Variants in NFRKB observed in about 807,000 individuals in gnomAD.
The protein encoded by NFRKB is nuclear factor related to kappa-B-binding protein.
A neutral mutation model predicts 135.7 loss-of-function variants in NFRKB; 62 were observed. That is an observed-to-expected ratio of 0.46 (90% CI 0.37 to 0.56). The LOEUF (loss-of-function observed/expected upper bound fraction) is 0.56, where lower values mean the gene tolerates loss of function less well. Ranked by LOEUF, NFRKB falls within the 20% of genes least tolerant of loss-of-function variation. The pLI is 0.00. For missense variants in NFRKB, 1,545 were observed against 1,662.0 expected, an observed-to-expected ratio of 0.93 and a Z score of 1.22; for synonymous variants, 678 against 635.6, an observed-to-expected ratio of 1.07 and a Z score of -1.00.
chr11:129,884,259 G>A, intron 7 of NFRKB, 116 bp from the exon 8 acceptor site: 1 of 1,053,442 alleles, frequency 9.5e-7, no homozygotes, highest in Non-Finnish European at 1.5e-6. Flanking sequence ...TGAACTACAA[G>A]TACCAAAAAT....
intron 13 of NFRKB, among the ~76,000 whole-genome samples, chr11:129,880,070 C>T (rs1280788869): frequency 6.6e-6 from 1 of 152,008 alleles, no homozygotes; most frequent in African/African-American, 2.4e-5. Context: ...GCCTGTGGTC[C>T]CAGCTACTCA....
intron 4 of NFRKB, 176 bp downstream of exon 4, chr11:129,888,418 A>G (rs1236552469): frequency 4.2e-6 from 3 of 711,970 alleles, no homozygotes; most frequent in Non-Finnish European, 7.7e-6. Context: ...AAGTCAATAC[A>G]TTTTTGTTTT....
chr11:129,882,221 C>T (rs1591514633), intron 10 of NFRKB, 27 bp from the exon 11 acceptor site: 1 of 1,568,814 alleles, frequency 6.4e-7, no homozygotes, highest in East Asian at 2.2e-5. Flanking sequence ...AATATAAGAA[C>T]CAAAAAGACC....
chr11:129,877,273 T>G, intron 16 of NFRKB, 52 bp downstream of exon 16: 3 of 1,552,704 alleles, frequency 1.9e-6, no homozygotes, highest in Non-Finnish European at 2.7e-6. Flanking sequence ...TCAGAGCATC[T>G]CTCTGCATGG....
At chr11:129,878,075 C>T (rs1948854159) in intron 15 of NFRKB, among the ~76,000 whole-genome samples, 1 of 152,166 alleles carries the variant, frequency 6.6e-6, no homozygotes, top group Admixed American at 6.6e-5. Flanking sequence ...ACCTACAAAG[C>T]AGGTCATATG....
At chr11:129,885,957 T>C (rs948780922) in intron 5 of NFRKB, among the ~76,000 whole-genome samples, 2 of 152,240 alleles carry the variant, frequency 1.3e-5, no homozygotes, top group African/African-American at 4.8e-5. Flanking sequence ...GGGCCTGTTA[T>C]GCTACCATCC....
chr11:129,879,953 A>C (rs909824976), intron 13 of NFRKB, among the ~76,000 whole-genome samples: 2 of 152,182 alleles, frequency 1.3e-5, no homozygotes. Context: ...TTGGGAGGCC[A>C]AAGCAGGTGG....
intron 5 of NFRKB, among the ~76,000 whole-genome samples, chr11:129,886,070 C>T (rs901424399): frequency 2.0e-5 from 3 of 152,162 alleles, no homozygotes; most frequent in Non-Finnish European, 2.9e-5. Context: ...TGTTTATCTT[C>T]GTAAACACTG....
chr11:129,890,029 G>GTTTTTT (rs371082832), intron 3 of NFRKB, among the ~76,000 whole-genome samples: 2 of 134,250 alleles, frequency 1.5e-5, no homozygotes, highest in African/African-American at 2.8e-5. Context: ...GGGTTTTTTT[G>GTTTTTT]TTTTTTTTTT....
rs139152619 is a variant in NFRKB, at chr11:129,877,663, G to A, written c.1512-278C>T. ...CTACTGCTTTCAATATTGCTGTTAA[G>A]TAGGTCCGTTCTAAAGGCAACAAAC... On this transcript the variant is annotated intron_variant, in intron 15 of 26. Transcript: ENST00000682444. Among the ~76,000 whole-genome samples the A allele has an allele frequency of 1.1e-3, 170 of 152,238 alleles. 1 individual carries two copies. The highest frequency in any genetic ancestry group is 3.9e-3 in the African/African-American group (164 of 41,534).
At chr11:129,879,142 C>T (rs937365270) in intron 13 of NFRKB, among the ~76,000 whole-genome samples, 1 of 152,276 alleles carries the variant, frequency 6.6e-6, no homozygotes, top group South Asian at 2.1e-4. Context: ...GTGTCTCCTG[C>T]CCAGCATAGA....
intron 2 of NFRKB, 32 bp from the exon 3 acceptor site, chr11:129,892,902 G>A: frequency 3.7e-6 from 6 of 1,613,584 alleles, no homozygotes; most frequent in Non-Finnish European, 5.1e-6. Flanking sequence ...GAGACAGAAA[G>A]GCAGAAATTC....
Position 129,866,517 on chromosome 11 carries a change from T to C in NFRKB, c.3532-534A>G, listed in dbSNP as rs758685220. On this transcript the variant is annotated intron_variant, in intron 24 of 26. Coordinates refer to ENST00000682444, the MANE Select transcript of NFRKB (RefSeq NM_001143835.2). ...GGCATGCTAGATTAGGGAGAGGCCA[T>C]GCTCTCCGGTGCTTTCCATTTCTCC... Among the ~76,000 whole-genome samples the C allele has an allele frequency of 6.4e-4, 97 of 151,506 alleles. 1 individual carries two copies. Among genetic ancestry groups the C allele is most frequent in the Non-Finnish European group, 1.5e-4 (10 of 67,940 alleles).
intron 7 of NFRKB, 123 bp downstream of exon 7, chr11:129,884,622 A>T: frequency 9.3e-7 from 1 of 1,078,634 alleles, no homozygotes; most frequent in Non-Finnish European, 1.3e-6. Flanking sequence ...CAAATCACCT[A>T]GTTCTAGGGA....
chr11:129,865,157 C>T, intron 25 of NFRKB, 56 bp from the exon 26 acceptor site: 1 of 1,572,942 alleles, frequency 6.4e-7, no homozygotes, highest in Non-Finnish European at 8.7e-7. Context: ...TTCTCTGGCC[C>T]AGATTTAGGC....
chr11:129,878,285 C>A (rs1565406528), intron 15 of NFRKB, 24 bp downstream of exon 15: 1 of 1,611,590 alleles, frequency 6.2e-7, no homozygotes, highest in South Asian at 1.1e-5. Context: ...AGGACACCAC[C>A]CACCACTACA....
At chr11:129,879,815 C>G (rs1032118576) in intron 13 of NFRKB, among the ~76,000 whole-genome samples, 4 of 152,242 alleles carry the variant, frequency 2.6e-5, no homozygotes, top group African/African-American at 9.6e-5. Flanking sequence ...CCCCCTTAAA[C>G]TCTCTGGTCT....
chr11:129,867,110 G>A (rs571667345), intron 24 of NFRKB, among the ~76,000 whole-genome samples: 1 of 152,256 alleles, frequency 6.6e-6, no homozygotes, highest in East Asian at 1.9e-4. Flanking sequence ...CTACCAAAAA[G>A]CTGACTAGAC....
intron 12 of NFRKB, 23 bp downstream of exon 12, chr11:129,881,704 C>T (rs1187766451): frequency 6.2e-7 from 1 of 1,612,326 alleles, no homozygotes; most frequent in Non-Finnish European, 8.5e-7. Flanking sequence ...AAAATACTGA[C>T]CCTACAAAAA....
Sources: allele counts gnomAD v4.1 joint callset (sites outside exome capture counted in the v4.1 genomes callset), GRCh38; gene constraint gnomAD v4.1.1; transcripts MANE v1.5; gene names NCBI Gene and HGNC (gene_info 2026-07-23, HGNC 2026-07-21).